Variants in AK2 observed in about 807,000 individuals in gnomAD.
AK2 encodes the protein adenylate kinase 2, also known as adenylate kinase 2, mitochondrial.
Under a neutral mutation model 24.6 loss-of-function variants are expected in AK2, and 15 were observed. That is an observed-to-expected ratio of 0.61 (90% CI 0.41 to 0.94). The LOEUF is 0.94. Ranked by LOEUF, AK2 falls within the 40% of genes least tolerant of loss-of-function variation. AK2 has a pLI of 0.00. For missense variants in AK2, 257 were observed against 304.1 expected (o/e 0.85, Z 1.15); for synonymous variants, 102 against 114.0 (o/e 0.90, Z 0.67).
rs565040459 is a variant in AK2, at chr1:33,027,903, C to T, written c.94-3336G>A. On this transcript the variant is annotated intron_variant, in intron 1 of 5. Coordinates refer to ENST00000672715, the MANE Select transcript of AK2 (RefSeq NM_001625.4). ...ATTCCTAGCTAAGGCACTCAGTAGC[C>T]GTGTGATCTTGGGCTAAGTACTTAA... Among the ~76,000 whole-genome samples, 16 of 152,238 alleles carry T rather than the reference C, an allele frequency of 1.1e-4. No individual in the cohort carries two copies. The East Asian group carries it at 2.7e-3, about 26-fold the overall frequency.
At chr1:33,031,773 G>A in intron 1 of AK2, 1 of 434,866 alleles carries the variant, frequency 2.3e-6, no homozygotes, top group Non-Finnish European at 4.7e-6. Flanking sequence ...TGGCCTCGAA[G>A]AATTGGGCAT....
At chr1:33,029,907 G>C (rs984277894) in intron 1 of AK2, among the ~76,000 whole-genome samples, 1 of 152,162 alleles carries the variant, frequency 6.6e-6, no homozygotes, top group Admixed American at 6.5e-5. Context: ...CATGCAGCTA[G>C]AATCATATCT....
chr1:33,032,474 T>C (rs1640298658), intron 1 of AK2: 1 of 152,240 alleles, frequency 6.6e-6, no homozygotes, highest in African/African-American at 2.4e-5. Context: ...TCCTGACTTT[T>C]CTATACCAAC....
rs912096261 is a variant in AK2 at position 33,008,284 on chromosome 1, C to T, written c.*4897G>A. 2 of 453,852 alleles carry T rather than the reference C, an allele frequency of 4.4e-6. No individual in the cohort carries two copies. The highest frequency in any genetic ancestry group is 8.8e-6 in the Non-Finnish European group (2 of 226,744). 28.1% of individuals were successfully genotyped at this position (453,852 alleles called of 1,614,324 possible). On this transcript the variant is annotated 3_prime_UTR_variant, in exon 6 of 6. Coordinates refer to ENST00000672715, the MANE Select transcript of AK2 (RefSeq NM_001625.4). ...CTACTGATGAGGTGAGATAACTTGT[C>T]CAAGGTCGCATGGTGAAGTCGCTGT...
intron 1 of AK2, among the ~76,000 whole-genome samples, chr1:33,027,339 C>A (rs1639956917): frequency 6.6e-6 from 1 of 152,166 alleles, no homozygotes; most frequent in South Asian, 2.1e-4. Context: ...GAGCTGTTAG[C>A]ACAGAACCTG....
intron 5 of AK2, among the ~76,000 whole-genome samples, chr1:33,013,996 C>T (rs565134995): frequency 6.6e-6 from 1 of 152,276 alleles, no homozygotes; most frequent in East Asian, 1.9e-4. Context: ...CAAAGGTAAA[C>T]CCAGGAAATT....
rs1639555809 is a variant in AK2, at chr1:33,021,538, CA to C, written c.330+54del. 3.7e-6 allele frequency: 6 copies of C among 1,606,328 alleles called. No individual in the cohort carries two copies. In the East Asian group the frequency reaches 8.9e-5, roughly 24 times the overall value. On this transcript the variant is annotated intron_variant, in intron 3 of 5. Coordinates refer to ENST00000672715, the MANE Select transcript of AK2 (RefSeq NM_001625.4). ...TCTCCTTCAAAGGAATTAAGAAAGACAAAGGACAAGAATTTGGTTTCATGCA... is the reference window on the plus strand; with the variant it reads ...TCTCCTTCAAAGGAATTAAGAAAGACAAGGACAAGAATTTGGTTTCATGCA...
intron 1 of AK2, among the ~76,000 whole-genome samples, chr1:33,033,882 T>C (rs1640404988): frequency 6.7e-6 from 1 of 149,498 alleles, no homozygotes; most frequent in South Asian, 2.1e-4. Context: ...ATTTAAGATC[T>C]TTTTTTTTTG....
intron 4 of AK2, among the ~76,000 whole-genome samples, chr1:33,020,887 G>A (rs571567025): frequency 5.1e-4 from 75 of 146,022 alleles, no homozygotes; most frequent in Non-Finnish European, 8.4e-4. Flanking sequence ...TGGCTCAAGC[G>A]TGTAATCCTA....
chr1:33,020,062 C>T, intron 4 of AK2: 1 of 1,534,802 alleles, frequency 6.5e-7, no homozygotes, highest in Non-Finnish European at 8.7e-7. Context: ...AAGCAGATGG[C>T]AGTGATTAGT....
At position 33,012,060 on chromosome 1, in the gene AK2, GC is replaced by G; in HGVS notation, c.*1120del. ...ACACAGGCAAACATTAAAAATAAAA[GC>G]AAATAAACCTACCCTGGTCTCTTTT... On this transcript the variant is annotated 3_prime_UTR_variant, in exon 6 of 6. Transcript: ENST00000672715. The G allele has an allele frequency of 2.0e-6, 3 of 1,535,370 alleles. No individual in the cohort carries two copies. The highest frequency in any genetic ancestry group is 2.4e-5 in the East Asian group (1 of 40,908).
intron 1 of AK2, among the ~76,000 whole-genome samples, chr1:33,026,556 C>G (rs1272648905): frequency 6.6e-6 from 1 of 152,244 alleles, no homozygotes; most frequent in Admixed American, 6.5e-5. Flanking sequence ...CGCCTGTAAT[C>G]CCAGCACTTT....
At position 33,010,185 on chromosome 1, in the gene AK2, C is replaced by T; in HGVS notation, c.*2996G>A. On this transcript the variant is annotated 3_prime_UTR_variant, in exon 6 of 6. Transcript: ENST00000672715. ...TGCTGGGTAGCTGTGAGAGGTTACT[C>T]ATGAAAGTAGGTAGCCTAGTAAATT... 1 of 454,308 alleles carries T rather than the reference C, an allele frequency of 2.2e-6. No individual in the cohort carries two copies. The highest frequency in any genetic ancestry group is 4.4e-6 in the Non-Finnish European group (1 of 226,850). The allele number at this position is 454,308 out of a possible 1,614,324, so 28.1% of individuals were successfully genotyped here.
intron 5 of AK2, among the ~76,000 whole-genome samples, chr1:33,014,206 C>T (rs1435985757): frequency 6.6e-6 from 1 of 152,202 alleles, no homozygotes; most frequent in Admixed American, 6.5e-5. Flanking sequence ...AAGAAAGCTT[C>T]TCCTGATTAG....
In AK2 at chr1:33,009,244, C is replaced by T; in HGVS notation, c.*3937G>A. ...CAACAGTCATTTCTCAGAAACCTCA[C>T]TTGCAAAGGCAGCCCTTCCAAAAAC... On this transcript the variant is annotated 3_prime_UTR_variant, in exon 6 of 6. Transcript: ENST00000672715. The T allele has an allele frequency of 2.2e-6, 1 of 454,026 alleles. No homozygotes were observed. Among genetic ancestry groups the T allele is most frequent in the Non-Finnish European group, 4.4e-6 (1 of 226,748 alleles). 28.1% of individuals were successfully genotyped at this position (454,026 alleles called of 1,614,324 possible).
At chr1:33,035,725 C>T (rs1244163845) in intron 1 of AK2, among the ~76,000 whole-genome samples, 1 of 152,126 alleles carries the variant, frequency 6.6e-6, no homozygotes, top group East Asian at 1.9e-4. Flanking sequence ...CAAGTGAGGC[C>T]CCTGTTGCCT....
rs2124272316 is a variant in AK2, at chr1:33,012,248, C to G, written c.*933G>C. The G allele has an allele frequency of 6.5e-7, 1 of 1,535,150 alleles. No homozygotes were observed. Among genetic ancestry groups the G allele is most frequent in the African/African-American group, 1.4e-5 (1 of 73,148 alleles). ...ATTTTCAGCATCATGATGCAGATCA[C>G]AAAAATATTCCAATTTGGCCTGGCT... is the stretch of plus-strand genomic sequence containing the variant. On this transcript the variant is annotated 3_prime_UTR_variant, in exon 6 of 6. Transcript: ENST00000672715.
Position 33,012,012 on chromosome 1 carries a change from C to T in AK2, c.*1169G>A. ...AAAATGAATCCAAGAATAGATCACACACTGTTTTGTTCACACTTGGAAACA... is the reference window on the plus strand; with the variant it reads ...AAAATGAATCCAAGAATAGATCACATACTGTTTTGTTCACACTTGGAAACA... On this transcript the variant is annotated 3_prime_UTR_variant, in exon 6 of 6. Transcript: ENST00000672715. 6.5e-7 allele frequency: 1 copy of T among 1,535,306 alleles called. No homozygotes were observed. The highest frequency in any genetic ancestry group is 8.7e-7 in the Non-Finnish European group (1 of 1,146,696).
rs1225322888 is a variant in AK2, at chr1:33,008,158, T to C, written c.*5023A>G. 2.2e-6 allele frequency: 1 copy of C among 454,072 alleles called. No individual in the cohort carries two copies. Among genetic ancestry groups the C allele is most frequent in the East Asian group, 6.9e-5 (1 of 14,408 alleles). The allele number at this position is 454,072 out of a possible 1,614,324, so 28.1% of individuals were successfully genotyped here. A position where few individuals can be genotyped will look rare whatever the true frequency, so the allele number is the denominator to read the frequency against. On this transcript the variant is annotated 3_prime_UTR_variant, in exon 6 of 6. Transcript: ENST00000672715. ...ACATTTTCCCTCTGAATTCCATCTG[T>C]GTTTACTAAGCATCTGCTGTGTCCT...
Sources: allele counts gnomAD v4.1 joint callset (sites outside exome capture counted in the v4.1 genomes callset), GRCh38; gene constraint gnomAD v4.1.1; transcripts MANE v1.5; gene names NCBI Gene and HGNC (gene_info 2026-07-23, HGNC 2026-07-21).